The following LEPROT variants were observed in gnomAD, a reference collection of about 807,000 sequenced individuals.
LEPROT encodes leptin receptor overlapping transcript.
A neutral mutation model predicts 15.4 loss-of-function variants in LEPROT; 3 were observed. The ratio of observed to expected loss-of-function variants is 0.19; its 90% CI spans 0.09 to 0.50. LEPROT has a LOEUF of 0.50. LEPROT is among the 20% of genes least tolerant of loss of function. The pLI is 0.97. For missense variants in LEPROT, 137 were observed against 162.2 expected (o/e 0.84, Z 0.84); for synonymous variants, 59 against 57.5 (o/e 1.03, Z -0.12).
Position 65,433,645 on chromosome 1 carries a change from T to G in LEPROT, c.*1726T>G. 1.0e-6 allele frequency: 1 copy of G among 985,428 alleles called. No individual in the cohort carries two copies. The highest frequency in any genetic ancestry group is 1.2e-6 in the Non-Finnish European group (1 of 829,902). The allele number at this position is 985,428 out of a possible 1,614,324, so 61.0% of individuals were successfully genotyped here. ...TTATTTTTTGGCCTTGTTCATGATT[T>G]TATGTTTTCAGTGTCCTGTGTACAT... On this transcript the variant is annotated 3_prime_UTR_variant, in exon 4 of 4. Coordinates refer to ENST00000371065, the MANE Select transcript of LEPROT (RefSeq NM_017526.5).
Position 65,432,475 on chromosome 1 carries a change from C to T in LEPROT, c.*556C>T, listed in dbSNP as rs999653999. ...ATGCACATGAAAGTTTGAGAAGCAT[C>T]ATCATAGAGAAGTAAACATCACACC... On this transcript the variant is annotated 3_prime_UTR_variant, in exon 4 of 4. Coordinates refer to ENST00000371065, the MANE Select transcript of LEPROT (RefSeq NM_017526.5). 17 of 591,728 alleles carry T rather than the reference C, an allele frequency of 2.9e-5. No individual in the cohort carries two copies. The highest frequency in any genetic ancestry group is 3.2e-5 in the Non-Finnish European group (15 of 470,442). 36.7% of individuals were successfully genotyped at this position (591,728 alleles called of 1,614,324 possible). A position where few individuals can be genotyped will look rare whatever the true frequency, so the allele number is the denominator to read the frequency against.
Position 65,432,332 on chromosome 1 carries a change from A to G in LEPROT, c.*413A>G, listed in dbSNP as rs1646497625. The G allele has an allele frequency of 4.1e-6, 4 of 987,358 alleles. No individual in the cohort carries two copies. The South Asian group carries it at 1.4e-4, about 34-fold the overall frequency. 61.2% of individuals were successfully genotyped at this position (987,358 alleles called of 1,614,324 possible). On this transcript the variant is annotated 3_prime_UTR_variant, in exon 4 of 4. Coordinates refer to ENST00000371065, the MANE Select transcript of LEPROT (RefSeq NM_017526.5). ...CCCTCTTTGTGTTGTAGTCCATGCT[A>G]TTAAAAGTGTGGCCCACAGACCAAG...
In LEPROT at chr1:65,432,066, A is replaced by G; in HGVS notation, c.*147A>G. On this transcript the variant is annotated 3_prime_UTR_variant, in exon 4 of 4. Coordinates refer to ENST00000371065, the MANE Select transcript of LEPROT (RefSeq NM_017526.5). Reference sequence around the variant, plus strand: ...ATGTTCACTTTAAGAAAGACTTCATAAGTAGGAGATGAGTTTTATTCTCAG... The same window carrying G: ...ATGTTCACTTTAAGAAAGACTTCATGAGTAGGAGATGAGTTTTATTCTCAG... 1 of 1,356,972 alleles carries G rather than the reference A, an allele frequency of 7.4e-7. No homozygotes were observed. Among genetic ancestry groups the G allele is most frequent in the Non-Finnish European group, 9.5e-7 (1 of 1,055,942 alleles). 84.1% of individuals were successfully genotyped at this position (1,356,972 alleles called of 1,614,324 possible).
Position 65,430,022 on chromosome 1 carries a change from C to G in LEPROT, c.253C>G (p.Pro85Ala). The G allele has an allele frequency of 6.4e-7, 1 of 1,562,438 alleles. No individual in the cohort carries two copies. The highest frequency in any genetic ancestry group is 8.8e-7 in the Non-Finnish European group (1 of 1,141,928). The stretch of plus-strand genomic sequence containing the variant: ...AATTGTTGTTTCTGCCTTTGGATTT[C>G]CTGTTATTCTTGCTCGTGTGGCTGT... ...TGIVVSAFGFPVILARVAVIK... is the reference protein window; with the variant it reads ...TGIVVSAFGFAVILARVAVIK... Residue 85 changes from proline (P) to alanine (A), a missense_variant, in exon 3 of 4, where the codon CCT becomes GCT. By Grantham distance (27) the Pro-to-Ala change is conservative (BLOSUM62 -1). Coordinates refer to ENST00000371065, the MANE Select transcript of LEPROT (RefSeq NM_017526.5).
chr1:65,421,293 C>G, intron 1 of LEPROT: 1 of 1,500,502 alleles, frequency 6.7e-7, no homozygotes, highest in Non-Finnish European at 8.9e-7. Flanking sequence ...AATTTTAATA[C>G]TGCTTTCTTC....
In LEPROT at chr1:65,435,915, A is replaced by G. The variant is rs1570444554; in HGVS notation, c.*3996A>G. 1.0e-6 allele frequency: 1 copy of G among 985,184 alleles called. No homozygotes were observed. Among genetic ancestry groups the G allele is most frequent in the East Asian group, 1.1e-4 (1 of 8,822 alleles). 61.0% of individuals were successfully genotyped at this position (985,184 alleles called of 1,614,324 possible). A position where few individuals can be genotyped will look rare whatever the true frequency, so the allele number is the denominator to read the frequency against. On this transcript the variant is annotated 3_prime_UTR_variant, in exon 4 of 4. Transcript: ENST00000371065. ...ATAAATTATAATCTTTCAAATAGCC[A>G]TGCTACCAGCGTACAACAGTGATAC...
In LEPROT at chr1:65,427,292, G is replaced by T. The variant is rs758187254; in HGVS notation, c.92+1914G>T. ...AGATTGAACAGCAGTAAGTGACAGA[G>T]CCCGGCCGTGGTGGCTCATGCCTAT... On this transcript the variant is annotated intron_variant, in intron 2 of 3. Transcript: ENST00000371065. Among the ~76,000 whole-genome samples the T allele has an allele frequency of 5.1e-4, 78 of 152,102 alleles. 1 individual carries two copies. The highest frequency in any genetic ancestry group is 1.6e-4 in the Non-Finnish European group (11 of 68,006).
intron 3 of LEPROT, among the ~76,000 whole-genome samples, chr1:65,430,900 C>G (rs1330681617): frequency 6.6e-6 from 1 of 152,120 alleles, no homozygotes; most frequent in East Asian, 1.9e-4. Context: ...ATATGGGCCT[C>G]TAAGGATAAA....
At chr1:65,430,243 C>T (rs943041045) in intron 3 of LEPROT, 195 bp downstream of exon 3, 5 of 421,324 alleles carry the variant, frequency 1.2e-5, no homozygotes, top group South Asian at 8.8e-5. Context: ...CTTTATTTCT[C>T]TTACAACTTT....
Position 65,434,747 on chromosome 1 carries a change from G to A in LEPROT, c.*2828G>A, listed in dbSNP as rs1646535446. The stretch of plus-strand genomic sequence containing the variant: ...TTGAGATCCAGGTACACTCCTGGGA[G>A]TTTTGTTCACCTCTCCCAACTGAGA... On this transcript the variant is annotated 3_prime_UTR_variant, in exon 4 of 4. Transcript: ENST00000371065. 1 of 985,288 alleles carries A rather than the reference G, an allele frequency of 1.0e-6. No individual in the cohort carries two copies. Among genetic ancestry groups the A allele is most frequent in the Admixed American group, 6.2e-5 (1 of 16,256 alleles). The allele number at this position is 985,288 out of a possible 1,614,324, so 61.0% of individuals were successfully genotyped here. A position where few individuals can be genotyped will look rare whatever the true frequency, so the allele number is the denominator to read the frequency against.
At chr1:65,429,334 A>G (rs926565650) in intron 2 of LEPROT, among the ~76,000 whole-genome samples, 1 of 152,210 alleles carries the variant, frequency 6.6e-6, no homozygotes, top group East Asian at 1.9e-4. Flanking sequence ...AGGGACAGAA[A>G]AAAGGCTGGT....
At chr1:65,425,267 T>C (rs1646338246) in intron 1 of LEPROT, 36 bp from the exon 2 acceptor site, 1 of 1,594,154 alleles carries the variant, frequency 6.3e-7, no homozygotes, top group Non-Finnish European at 8.6e-7. Context: ...CAACCTCTAC[T>C]GTGGGAACTT....
intron 2 of LEPROT, chr1:65,427,964 T>C (rs1646412664): frequency 6.2e-6 from 1 of 160,464 alleles, no homozygotes; most frequent in Admixed American, 6.4e-5. Context: ...AACTGCCACA[T>C]ATAACCTGCT....
At chr1:65,425,067 T>C (rs1489424394) in intron 1 of LEPROT, among the ~76,000 whole-genome samples, 8 of 152,252 alleles carry the variant, frequency 5.3e-5, no homozygotes, top group Non-Finnish European at 8.8e-5. Context: ...AGTAAATGTT[T>C]TTATTGATAA....
intron 1 of LEPROT, among the ~76,000 whole-genome samples, chr1:65,421,711 TG>T (rs1412648268): frequency 6.6e-6 from 1 of 152,212 alleles, no homozygotes; most frequent in Non-Finnish European, 1.5e-5. Flanking sequence ...TTAGTAAACA[TG>T]GTTTACTTGG....
intron 1 of LEPROT, among the ~76,000 whole-genome samples, chr1:65,424,548 G>A (rs1399862181): frequency 8.7e-6 from 1 of 115,212 alleles, no homozygotes; most frequent in Non-Finnish European, 1.9e-5. Context: ...TATACTTTAT[G>A]ATTTCAAGGT....
chr1:65,431,610 C>G (rs1412996951), intron 3 of LEPROT, among the ~76,000 whole-genome samples, 193 bp from the exon 4 acceptor site: 4 of 152,174 alleles, frequency 2.6e-5, no homozygotes. Context: ...TGATACCAGA[C>G]TTAATTAACA....
intron 2 of LEPROT, among the ~76,000 whole-genome samples, chr1:65,428,652 G>C (rs1251083439): frequency 6.6e-6 from 1 of 152,082 alleles, no homozygotes; most frequent in Non-Finnish European, 1.5e-5. Flanking sequence ...TGTAGGTGCT[G>C]TCTGGGCGTA....
At position 65,434,694 on chromosome 1, in the gene LEPROT, TTC is replaced by T; in HGVS notation, c.*2776_*2777del. On this transcript the variant is annotated 3_prime_UTR_variant, in exon 4 of 4. Transcript: ENST00000371065. ...AACAAGGTCTTTCTCCTTTTAATTT[TTC>T]CACTCATTTTCACCTCCTAATGCCC... The T allele has an allele frequency of 1.0e-6, 1 of 985,440 alleles. No homozygotes were observed. The highest frequency in any genetic ancestry group is 1.7e-5 in the African/African-American group (1 of 57,354). 61.0% of individuals were successfully genotyped at this position (985,440 alleles called of 1,614,324 possible).
Sources: allele counts gnomAD v4.1 joint callset (sites outside exome capture counted in the v4.1 genomes callset), GRCh38; gene constraint gnomAD v4.1.1; transcripts MANE v1.5; gene names NCBI Gene and HGNC (gene_info 2026-07-23, HGNC 2026-07-21).